The following SCARB1 variants were observed in gnomAD, a reference collection of about 807,000 sequenced individuals.
The protein encoded by SCARB1 is scavenger receptor class B member 1, also known as CD36 and LIMPII analogous 1.
In SCARB1, 30 loss-of-function variants were observed where a neutral mutation model predicts 57.2. That is an observed-to-expected ratio of 0.52 (90% CI 0.39 to 0.71). The LOEUF is 0.71. SCARB1 is among the 30% of genes least tolerant of loss of function. The probability of loss-of-function intolerance (pLI) is 0.00; values close to 1 mark genes in which losing one functional copy is unlikely to be tolerated. For missense variants in SCARB1, 543 were observed against 671.2 expected (o/e 0.81, Z 2.11); for synonymous variants, 249 against 268.3 (o/e 0.93, Z 0.70).
chr12:124,801,818 C>T (rs891828887), intron 7 of SCARB1, among the ~76,000 whole-genome samples: 1 of 151,696 alleles, frequency 6.6e-6, no homozygotes, highest in Non-Finnish European at 1.5e-5. Context: ...TGCACTCCAG[C>T]CTCGGCAAAA....
intron 9 of SCARB1, among the ~76,000 whole-genome samples, chr12:124,791,523 ATTG>A (rs1231290152): frequency 2.6e-5 from 4 of 152,290 alleles, no homozygotes; most frequent in East Asian, 1.9e-4. Flanking sequence ...CACATTTATT[ATTG>A]TTGTTGTTAT....
intron 1 of SCARB1, among the ~76,000 whole-genome samples, chr12:124,850,509 T>C (rs1952351016): frequency 6.6e-6 from 1 of 151,966 alleles, no homozygotes; most frequent in South Asian, 2.1e-4. Context: ...CTGTCTCTAC[T>C]AAAAATACAA....
chr12:124,852,445 G>T (rs1290402005), intron 1 of SCARB1, among the ~76,000 whole-genome samples: 2 of 152,170 alleles, frequency 1.3e-5, no homozygotes, highest in East Asian at 1.9e-4. Flanking sequence ...GGAGAAACAC[G>T]CCCGGCAGGG....
chr12:124,783,440 A>AT (rs1171880374), intron 11 of SCARB1: 1,604 of 148,226 alleles, frequency 0.011, 24 homozygotes, highest in African/African-American at 0.036. Context: ...CCCGCATGTG[A>AT]TTTTTTTTTT....
chr12:124,850,263 C>T (rs1952339542), intron 1 of SCARB1, among the ~76,000 whole-genome samples: 1 of 151,612 alleles, frequency 6.6e-6, no homozygotes, highest in Non-Finnish European at 1.5e-5. Flanking sequence ...ATCCCAACTA[C>T]TCAGGAGGCT....
At chr12:124,861,086 CT>C (rs1410638215) in intron 1 of SCARB1, among the ~76,000 whole-genome samples, 1 of 151,846 alleles carries the variant, frequency 6.6e-6, no homozygotes, top group African/African-American at 2.4e-5. Context: ...TCCATTTGAA[CT>C]TTTTTTTACG....
At chr12:124,834,544 T>C (rs1951547677) in intron 1 of SCARB1, among the ~76,000 whole-genome samples, 1 of 152,210 alleles carries the variant, frequency 6.6e-6, no homozygotes, top group Non-Finnish European at 1.5e-5. Context: ...GTGGTCATGC[T>C]TGGGGATTTT....
chr12:124,861,203 C>A (rs1025217961), intron 1 of SCARB1, among the ~76,000 whole-genome samples: 1 of 152,186 alleles, frequency 6.6e-6, no homozygotes, highest in African/African-American at 2.4e-5. Context: ...AAGTCCCCGA[C>A]ATAAAATGCT....
rs755372397 is a variant in SCARB1 at position 124,822,985 on chromosome 12, A to G, written c.127-5278T>C. Among the ~76,000 whole-genome samples, 53 of 152,368 alleles carry G rather than the reference A, an allele frequency of 3.5e-4. No individual in the cohort carries two copies. Among genetic ancestry groups the G allele is most frequent in the Middle Eastern group, 3.4e-3 (1 of 294 alleles). On this transcript the variant is annotated intron_variant, in intron 1 of 12. Coordinates refer to ENST00000261693, the MANE Select transcript of SCARB1 (RefSeq NM_005505.5). This position sits in a 1 kb window ranked among gnomAD's most constrained non-coding sequence, Gnocchi z 5.0. Reference sequence around the variant, plus strand: ...TAAGTAAAAAAAAATTTAAAAATGAATACTATTACTACCTTTAAAATATAA... The same window carrying G: ...TAAGTAAAAAAAAATTTAAAAATGAGTACTATTACTACCTTTAAAATATAA...
intron 1 of SCARB1, among the ~76,000 whole-genome samples, chr12:124,843,904 C>T (rs1952020468): frequency 6.6e-6 from 1 of 152,204 alleles, no homozygotes; most frequent in Non-Finnish European, 1.5e-5. Context: ...CTCACTGAGA[C>T]CCCAGACATT....
At chr12:124,827,212 C>T (rs767656607) in intron 1 of SCARB1, among the ~76,000 whole-genome samples, 3 of 152,104 alleles carry the variant, frequency 2.0e-5, no homozygotes, top group Non-Finnish European at 2.9e-5. Flanking sequence ...GAGCCGAGCT[C>T]CCCGAAAAAG....
intron 1 of SCARB1, among the ~76,000 whole-genome samples, chr12:124,856,578 A>G (rs1952640282): frequency 6.6e-6 from 1 of 152,246 alleles, no homozygotes; most frequent in Admixed American, 6.5e-5. Flanking sequence ...GGCAGGAAAG[A>G]GGAAGAAAAA....
At chr12:124,863,519 C>G (rs1203843827) in intron 1 of SCARB1, 76 bp downstream of exon 1, 3 of 1,505,696 alleles carry the variant, frequency 2.0e-6, no homozygotes, top group Non-Finnish European at 1.8e-6. Context: ...CCCACCGCAA[C>G]GCGCGGGTCC....
At position 124,810,238 on chromosome 12, in the gene SCARB1, G is replaced by A; in HGVS notation, c.778C>T (p.Gln260Ter). 6.2e-7 allele frequency: 1 copy of A among 1,614,146 alleles called. No individual in the cohort carries two copies. Among genetic ancestry groups the A allele is most frequent in the South Asian group, 1.1e-5 (1 of 91,084 alleles). The change falls in exon 6 of 13, where the codon CAA (glutamine) becomes TAA (stop). Residue 260 changes from glutamine (Q) to a stop codon, truncating the protein, a stop_gained. Coordinates refer to ENST00000261693, the MANE Select transcript of SCARB1 (RefSeq NM_005505.5). LOFTEE classifies it high-confidence loss of function. This position sits in a 1 kb window ranked among gnomAD's most constrained non-coding sequence, Gnocchi z 4.0. ...QCNMINGTSG[Q>*]MWPPFMTPES... ...GGAGTCATGAAGGGCGGCCACATTT[G>A]CCCAGAAGTTCCATTGATCATGTTG... is the stretch of plus-strand genomic sequence containing the variant.
chr12:124,781,517 C>T (rs1276733110), intron 12 of SCARB1, among the ~76,000 whole-genome samples: 21 of 152,258 alleles, frequency 1.4e-4, no homozygotes, highest in African/African-American at 3.9e-4. Flanking sequence ...TCCCTGGCCA[C>T]GGCTCCCCCA....
intron 7 of SCARB1, among the ~76,000 whole-genome samples, chr12:124,804,929 C>T (rs757655057): frequency 6.6e-6 from 1 of 152,212 alleles, no homozygotes; most frequent in African/African-American, 2.4e-5. Flanking sequence ...AAGTACAGAA[C>T]GCACTCACCA....
intron 1 of SCARB1, among the ~76,000 whole-genome samples, chr12:124,859,610 C>T (rs1317370450): frequency 4.6e-5 from 7 of 152,184 alleles, no homozygotes; most frequent in Admixed American, 4.6e-4. Flanking sequence ...TGCCTTCTCT[C>T]ATTAGAGTAG....
intron 8 of SCARB1, among the ~76,000 whole-genome samples, 193 bp from the exon 9 acceptor site, chr12:124,795,461 C>T (rs1949912223): frequency 6.6e-6 from 1 of 152,150 alleles, no homozygotes; most frequent in Admixed American, 6.5e-5. Flanking sequence ...GGCAGGTGCA[C>T]TGGGATCTCC....
chr12:124,818,628 G>A (rs899848314), intron 1 of SCARB1, among the ~76,000 whole-genome samples: 6 of 151,966 alleles, frequency 3.9e-5, no homozygotes, highest in Non-Finnish European at 7.4e-5. Flanking sequence ...ATCACGCCTG[G>A]CTAATTTTTG....
Sources: gnomAD v4.1 joint callset for allele counts (sites outside exome capture counted in the v4.1 genomes callset) on GRCh38, gnomAD v4.1.1 for gene constraint, Gnocchi (gnomAD v3.1) non-coding constraint, MANE v1.5 for transcripts, NCBI Gene and HGNC (gene_info 2026-07-23, HGNC 2026-07-21) for gene names.